Variants in CAST observed in about 807,000 individuals in gnomAD.
CAST encodes the protein MIR583 host.
CAST carries 76 observed loss-of-function variants against 119.6 expected under a neutral mutation model. The ratio of observed to expected loss-of-function variants is 0.64; its 90% CI spans 0.53 to 0.77. CAST has a LOEUF of 0.77. Among genes scored for constraint, CAST ranks in the 30% least tolerant of loss-of-function variants. The probability of loss-of-function intolerance (pLI) is 0.00; values close to 1 mark genes in which losing one functional copy is unlikely to be tolerated. For missense variants in CAST, 953 were observed against 946.5 expected, an observed-to-expected ratio of 1.01 and a Z score of -0.09; for synonymous variants, 319 against 331.6, an observed-to-expected ratio of 0.96 and a Z score of 0.41.
chr5:96,121,013 C>T, the CAST span, among the ~76,000 whole-genome samples: 1 of 151,996 alleles, frequency 6.6e-6, no homozygotes, highest in African/African-American at 2.4e-5. Context: ...TTTAAAAAGT[C>T]AAGACTCTCC....
At chr5:96,276,242 A>G in the CAST span, among the ~76,000 whole-genome samples, 1 of 152,236 alleles carries the variant, frequency 6.6e-6, no homozygotes, top group African/African-American at 2.4e-5. Flanking sequence ...ATAATTTTGC[A>G]GAGTCAAAAT....
the CAST span, among the ~76,000 whole-genome samples, chr5:96,454,996 G>A: frequency 6.6e-6 from 1 of 152,172 alleles, no homozygotes; most frequent in Non-Finnish European, 1.5e-5. Flanking sequence ...ATTTGTGATA[G>A]TGTTAAAATT....
chr5:96,203,561 C>T, the CAST span, among the ~76,000 whole-genome samples: 2 of 151,876 alleles, frequency 1.3e-5, no homozygotes, highest in Non-Finnish European at 2.9e-5. Flanking sequence ...ATTTGATATA[C>T]CTGAAACAAT....
chr5:96,459,248 C>G, the CAST span, among the ~76,000 whole-genome samples: 311 of 152,258 alleles, frequency 2.0e-3, no homozygotes, highest in Middle Eastern at 0.017. Context: ...GTGCTCCCGT[C>G]TTGGCAATAC....
At chr5:96,567,456 T>C (rs1002890509) in intron 1 of CAST, among the ~76,000 whole-genome samples, 2 of 152,138 alleles carry the variant, frequency 1.3e-5, no homozygotes, top group African/African-American at 4.8e-5. Flanking sequence ...TCAGCTCCAT[T>C]GCATTCCACC....
At chr5:96,070,055 C>G in the CAST span, among the ~76,000 whole-genome samples, 5 of 152,148 alleles carry the variant, frequency 3.3e-5, no homozygotes, top group Non-Finnish European at 5.9e-5. Context: ...ACATAATTCT[C>G]TCTTCCTTAG....
At chr5:96,118,802 T>C in the CAST span, among the ~76,000 whole-genome samples, 1 of 151,856 alleles carries the variant, frequency 6.6e-6, no homozygotes, top group Non-Finnish European at 1.5e-5. Context: ...TCCCCTGAGG[T>C]ACTGTTTCAG....
intron 9 of CAST, among the ~76,000 whole-genome samples, chr5:96,734,945 A>G (rs541734038): frequency 8.1e-4 from 124 of 152,230 alleles, no homozygotes; most frequent in African/African-American, 2.8e-3. Context: ...AGTGGATGGA[A>G]TAGAAAGATA....
intron 1 of CAST, among the ~76,000 whole-genome samples, chr5:96,593,408 T>C (rs539114022): frequency 2.6e-5 from 4 of 152,314 alleles, no homozygotes; most frequent in Admixed American, 6.5e-5. Context: ...GTGTGTGACC[T>C]ATGCAGTATC....
At chr5:96,027,515 C>A in the CAST span, among the ~76,000 whole-genome samples, 1 of 151,420 alleles carries the variant, frequency 6.6e-6, no homozygotes, top group African/African-American at 2.4e-5. Flanking sequence ...CAGAAAGAAT[C>A]AAAGATTGGA....
intron 4 of CAST, among the ~76,000 whole-genome samples, chr5:96,726,501 G>T (rs992774350): frequency 1.3e-5 from 2 of 152,030 alleles, no homozygotes; most frequent in African/African-American, 2.4e-5. Flanking sequence ...AGGAAAAAAT[G>T]ATATTCATGT....
the CAST span, among the ~76,000 whole-genome samples, chr5:96,344,747 G>A: frequency 1.3e-5 from 2 of 152,280 alleles, no homozygotes; most frequent in East Asian, 3.9e-4. Flanking sequence ...CCTACCAGGT[G>A]GATGGCAGGT....
At chr5:96,281,683 AGTAATGATGAAGG>A in the CAST span, among the ~76,000 whole-genome samples, 1 of 152,204 alleles carries the variant, frequency 6.6e-6, no homozygotes, top group African/African-American at 2.4e-5. Context: ...CGAGGAGAGA[AGTAATGATGAAGG>A]GTACAAAGCA....
chr5:96,101,565 G>A, the CAST span, among the ~76,000 whole-genome samples: 2 of 152,156 alleles, frequency 1.3e-5, no homozygotes, highest in Non-Finnish European at 2.9e-5. Flanking sequence ...CTGTCTTCCC[G>A]ATTCTCCCAC....
At chr5:96,506,269 T>A in the CAST span, among the ~76,000 whole-genome samples, 275 of 152,364 alleles carry the variant, frequency 1.8e-3, 2 homozygotes, top group Middle Eastern at 6.8e-3. Flanking sequence ...AAGAGATTCT[T>A]GGTTCATTTG....
chr5:96,500,586 G>T, the CAST span, among the ~76,000 whole-genome samples: 1 of 152,110 alleles, frequency 6.6e-6, no homozygotes, highest in Non-Finnish European at 1.5e-5. Flanking sequence ...TGGTCACAGA[G>T]GTTGGTCTCA....
the CAST span, among the ~76,000 whole-genome samples, chr5:96,179,762 C>T: frequency 7.3e-3 from 1,107 of 152,194 alleles, 19 homozygotes; most frequent in African/African-American, 0.026. Flanking sequence ...GTAGGCCGGG[C>T]GCGGTGGCTC....
At chr5:96,176,131 G>A in the CAST span, among the ~76,000 whole-genome samples, 1 of 152,184 alleles carries the variant, frequency 6.6e-6, no homozygotes. Flanking sequence ...CAGGCCCAGG[G>A]AATAGGAGGA....
chr5:96,469,417 T>C, the CAST span, among the ~76,000 whole-genome samples: 2 of 152,018 alleles, frequency 1.3e-5, no homozygotes, highest in Admixed American at 1.3e-4. Context: ...TATGAAGTGG[T>C]CTCCTTTCTC....
Sources: gnomAD v4.1 joint callset for allele counts (sites outside exome capture counted in the v4.1 genomes callset) on GRCh38, gnomAD v4.1.1 for gene constraint, MANE v1.5 for transcripts, NCBI Gene and HGNC (gene_info 2026-07-23, HGNC 2026-07-21) for gene names.